Variants in C12orf50 observed in about 807,000 individuals in gnomAD.
The protein encoded by C12orf50 is zinc finger CCCH-type containing 11D, also known as uncharacterized protein C12orf50.
In C12orf50, 35 loss-of-function variants were observed where a neutral mutation model predicts 61.6. The observed-to-expected ratio is 0.57, with a 90% CI of 0.43 to 0.75. The LOEUF is 0.75. Among genes scored for constraint, C12orf50 ranks in the 30% least tolerant of loss-of-function variants. C12orf50 has a pLI of 0.00. For synonymous variants in C12orf50, 178 were observed against 161.5 expected (o/e 1.10, Z -0.77); for missense variants, 475 against 488.5 (o/e 0.97, Z 0.26).
intron 12 of C12orf50, among the ~76,000 whole-genome samples, chr12:87,981,366 T>A (rs1393654121): frequency 1.3e-5 from 2 of 152,160 alleles, no homozygotes; most frequent in African/African-American, 4.8e-5. Flanking sequence ...TTTTCTTTAA[T>A]GGTGGCCTAG....
Position 87,996,413 on chromosome 12 carries a change from A to G in C12orf50, c.442T>C (p.Leu148=). 4 of 1,613,238 alleles carry G rather than the reference A, an allele frequency of 2.5e-6. No individual in the cohort carries two copies. Among genetic ancestry groups the G allele is most frequent in the Non-Finnish European group, 3.4e-6 (4 of 1,179,508 alleles). The change falls in exon 6 of 13, where the codon TTA becomes CTA. Residue 148 remains leucine (L), a synonymous_variant. Transcript: ENST00000298699. ...CTGCCATTTTCCAAAGGCTTTTCTAACTGTTTTTCTGCTGTAGGTGTCATG... is the reference window on the plus strand; with the variant it reads ...CTGCCATTTTCCAAAGGCTTTTCTAGCTGTTTTTCTGCTGTAGGTGTCATG... The part of the protein sequence containing the change: ...KSMTPTAEKQ[L]EKPLENGSEL...
At chr12:88,000,812 C>A (rs2031624574) in intron 3 of C12orf50, among the ~76,000 whole-genome samples, 1 of 151,520 alleles carries the variant, frequency 6.6e-6, no homozygotes, top group Non-Finnish European at 1.5e-5. Context: ...TGGGATTTTT[C>A]TCATTTCACT....
intron 3 of C12orf50, among the ~76,000 whole-genome samples, chr12:88,006,753 A>C (rs1440094578): frequency 6.6e-6 from 1 of 152,216 alleles, no homozygotes; most frequent in African/African-American, 2.4e-5. Flanking sequence ...GAGGATGAGA[A>C]ATGTTAGCAG....
upstream of C12orf50, among the ~76,000 whole-genome samples, chr12:88,029,910 A>G (rs1378562381): frequency 1.3e-5 from 2 of 152,210 alleles, no homozygotes; most frequent in African/African-American, 2.4e-5. Context: ...CATCATAAAA[A>G]GAGGAATATC....
intron 3 of C12orf50, among the ~76,000 whole-genome samples, chr12:88,002,349 A>G (rs10858679): frequency 0.17 from 25,785 of 151,722 alleles, 3,702 homozygotes; most frequent in African/African-American, 0.39. Context: ...AGACATACAC[A>G]GCACAATTTC....
chr12:87,989,269 G>C lies in C12orf50; in HGVS notation c.695C>G (p.Thr232Ser). The change falls in exon 8 of 13, where the codon ACT becomes AGT. Residue 232 changes from threonine (T) to serine (S), a missense_variant. Coordinates refer to ENST00000298699, the MANE Select transcript of C12orf50 (RefSeq NM_152589.3). ...KEITISKCSN[T>S]KDNKDSPHPK... ...AATTATATAATATTCATTACCTTTA[G>C]TATTTGAACATTTTGATATGGTGAT... The C allele has an allele frequency of 6.3e-7, 1 of 1,591,326 alleles. No homozygotes were observed.
chr12:88,007,790 C>G (rs998988590), intron 3 of C12orf50, among the ~76,000 whole-genome samples: 2 of 151,910 alleles, frequency 1.3e-5, no homozygotes, highest in African/African-American at 4.8e-5. Context: ...TATAATTGTA[C>G]TTTGATATGC....
chr12:87,981,166 A>T (rs1229961169), intron 12 of C12orf50, among the ~76,000 whole-genome samples: 2 of 152,140 alleles, frequency 1.3e-5, no homozygotes, highest in African/African-American at 4.8e-5. Flanking sequence ...TAGGCATCTC[A>T]CTTTTACATT....
chr12:88,025,570 T>C (rs1195351049), intron 3 of C12orf50, among the ~76,000 whole-genome samples: 1 of 152,096 alleles, frequency 6.6e-6, no homozygotes, highest in Admixed American at 6.5e-5. Flanking sequence ...TGGTTGTATA[T>C]TTTTCTGCAA....
intron 7 of C12orf50, among the ~76,000 whole-genome samples, chr12:87,991,044 A>G (rs1028408132): frequency 1.3e-5 from 2 of 152,134 alleles, no homozygotes; most frequent in African/African-American, 4.8e-5. Flanking sequence ...TTGATAACCC[A>G]GTAAAGCAAT....
At chr12:88,017,004 G>A (rs10777090) in intron 3 of C12orf50, among the ~76,000 whole-genome samples, 12,956 of 152,242 alleles carry the variant, frequency 0.085, 603 homozygotes, top group African/African-American at 0.11. Context: ...AATTAGCCAT[G>A]AAGATATTGA....
chr12:87,993,396 G>C (rs2031224889), intron 7 of C12orf50, among the ~76,000 whole-genome samples: 1 of 152,158 alleles, frequency 6.6e-6, no homozygotes, highest in South Asian at 2.1e-4. Flanking sequence ...AATAGACAGT[G>C]GGAACTCCGT....
At chr12:87,981,437 A>G (rs2030464083) in intron 12 of C12orf50, among the ~76,000 whole-genome samples, 1 of 152,186 alleles carries the variant, frequency 6.6e-6, no homozygotes, top group Admixed American at 6.5e-5. Context: ...GAATGTTGTT[A>G]AAATGCAGAT....
chr12:87,980,204 A>T lies in C12orf50; in HGVS notation c.*127T>A, dbSNP rs371044040. On this transcript the variant is annotated 3_prime_UTR_variant, in exon 13 of 13. Transcript: ENST00000298699. ...TATTTTCAGAATTTGCATTTTTATC[A>T]TCTTTGGCTATCCACTACATAACAT... The T allele has an allele frequency of 1.1e-6, 1 of 916,288 alleles. No individual in the cohort carries two copies. The highest frequency in any genetic ancestry group is 1.7e-5 in the African/African-American group (1 of 59,418). The allele number at this position is 916,288 out of a possible 1,614,324, so 56.8% of individuals were successfully genotyped here. A position where few individuals can be genotyped will look rare whatever the true frequency, so the allele number is the denominator to read the frequency against.
chr12:88,029,948 G>C (rs1032541796), upstream of C12orf50, among the ~76,000 whole-genome samples: 1 of 152,148 alleles, frequency 6.6e-6, no homozygotes, highest in African/African-American at 2.4e-5. Context: ...AGTTTCCAGA[G>C]TGCTTGAAGG....
At chr12:88,023,724 G>C (rs529619052) in intron 3 of C12orf50, among the ~76,000 whole-genome samples, 1 of 150,542 alleles carries the variant, frequency 6.6e-6, no homozygotes, top group Non-Finnish European at 1.5e-5. Flanking sequence ...ATACCATTCT[G>C]GATATAGGAC....
chr12:88,029,042 G>A (rs1467888276), intron 1 of C12orf50: 7 of 1,217,090 alleles, frequency 5.8e-6, no homozygotes, highest in Admixed American at 2.6e-5. Flanking sequence ...AGCATGTGAA[G>A]TACTGTCAAT....
chr12:88,022,454 T>C (rs1249927873), intron 3 of C12orf50, among the ~76,000 whole-genome samples: 1 of 152,098 alleles, frequency 6.6e-6, no homozygotes, highest in Non-Finnish European at 1.5e-5. Flanking sequence ...AAGACAAGTA[T>C]ACCCTCTGTC....
intron 3 of C12orf50, among the ~76,000 whole-genome samples, chr12:88,023,148 C>CA (rs1327207110): frequency 1.3e-5 from 2 of 151,574 alleles, no homozygotes; most frequent in Non-Finnish European, 2.9e-5. Flanking sequence ...GATACTGGCA[C>CA]AAAAAAACAC....
Sources: gnomAD v4.1 joint callset for allele counts (sites outside exome capture counted in the v4.1 genomes callset) on GRCh38, gnomAD v4.1.1 for gene constraint, MANE v1.5 for transcripts, NCBI Gene and HGNC (gene_info 2026-07-23, HGNC 2026-07-21) for gene names.